Variants in CTTN observed in about 807,000 individuals in gnomAD.
The protein encoded by CTTN is src substrate cortactin.
A neutral mutation model predicts 84.0 loss-of-function variants in CTTN; 28 were observed. The observed-to-expected ratio is 0.33, with a 90% CI of 0.25 to 0.46. The LOEUF is 0.46. Among genes scored for constraint, CTTN ranks in the 20% least tolerant of loss-of-function variants. The pLI, the probability that CTTN is intolerant of heterozygous loss-of-function variation, is 1.00. For missense variants in CTTN, 641 were observed against 723.8 expected, an observed-to-expected ratio of 0.89 and a Z score of 1.31; for synonymous variants, 301 against 288.8, an observed-to-expected ratio of 1.04 and a Z score of -0.43.
intron 4 of CTTN, chr11:70,407,933 G>A: frequency 8.1e-6 from 2 of 246,304 alleles, no homozygotes; most frequent in South Asian, 8.4e-5. Context: ...CAAGCGAGAG[G>A]TTTCTAAAGT....
intron 13 of CTTN, 25 bp downstream of exon 13, chr11:70,425,426 C>T (rs370249898): frequency 1.5e-5 from 24 of 1,587,696 alleles, no homozygotes; most frequent in Non-Finnish European, 2.0e-5. Flanking sequence ...ATACCAGGAG[C>T]ACCGTGTGGT....
intron 13 of CTTN, among the ~76,000 whole-genome samples, chr11:70,427,116 G>T (rs1473660475): frequency 6.6e-6 from 1 of 151,684 alleles, no homozygotes; most frequent in Non-Finnish European, 1.5e-5. Flanking sequence ...CTGGGAGGCC[G>T]AGGTGGGTGG....
At chr11:70,434,432 G>A (rs2058392052) in intron 17 of CTTN, among the ~76,000 whole-genome samples, 1 of 152,282 alleles carries the variant, frequency 6.6e-6, no homozygotes, top group South Asian at 2.1e-4. Context: ...CCTCTTGAGT[G>A]CTTCCCGTTT....
chr11:70,431,000 G>C (rs547596010), intron 14 of CTTN, among the ~76,000 whole-genome samples, 191 bp from the exon 15 acceptor site: 1 of 151,754 alleles, frequency 6.6e-6, no homozygotes, highest in South Asian at 2.1e-4. Context: ...CAGCTCCCCT[G>C]CCCCTCGGAT....
intron 1 of CTTN, among the ~76,000 whole-genome samples, chr11:70,401,155 G>A (rs1320781122): frequency 6.6e-6 from 1 of 152,048 alleles, no homozygotes. Context: ...AGGCAACATG[G>A]GGAAACCCCA....
At chr11:70,417,379 T>C (rs2058176157) in intron 8 of CTTN, among the ~76,000 whole-genome samples, 2 of 152,154 alleles carry the variant, frequency 1.3e-5, no homozygotes, top group Non-Finnish European at 2.9e-5. Flanking sequence ...TTATTTATTT[T>C]TGGTAGAGAT....
intron 15 of CTTN, among the ~76,000 whole-genome samples, chr11:70,431,547 G>A (rs1052747359): frequency 6.6e-6 from 1 of 152,104 alleles, no homozygotes; most frequent in Non-Finnish European, 1.5e-5. Flanking sequence ...TGTCACTGCA[G>A]TCCCTGCTGT....
intron 15 of CTTN, among the ~76,000 whole-genome samples, chr11:70,431,904 C>T (rs1445674826): frequency 6.6e-6 from 1 of 152,212 alleles, no homozygotes; most frequent in East Asian, 1.9e-4. Flanking sequence ...TCTGCGCTAA[C>T]CACACCCTCT....
intron 1 of CTTN, among the ~76,000 whole-genome samples, chr11:70,402,350 C>T (rs1388477638): frequency 1.3e-5 from 2 of 152,186 alleles, no homozygotes; most frequent in Admixed American, 6.5e-5. Flanking sequence ...CCATACAATA[C>T]GCCTGTGTAG....
intron 14 of CTTN, among the ~76,000 whole-genome samples, chr11:70,429,643 G>A (rs963528125): frequency 6.6e-6 from 1 of 152,110 alleles, no homozygotes; most frequent in East Asian, 1.9e-4. Context: ...CTCGGGGCCT[G>A]CTTCTGCTTG....
At chr11:70,402,225 C>T (rs2057994499) in intron 1 of CTTN, among the ~76,000 whole-genome samples, 1 of 152,210 alleles carries the variant, frequency 6.6e-6, no homozygotes, top group Non-Finnish European at 1.5e-5. Context: ...CACGTTTGTG[C>T]AATCTTGATT....
chr11:70,417,176 G>A (rs986350223), intron 8 of CTTN, 53 bp downstream of exon 8: 26 of 1,375,512 alleles, frequency 1.9e-5, no homozygotes, highest in South Asian at 1.3e-4. Context: ...AAACACCCAC[G>A]AGGGCATTTT....
chr11:70,416,793 C>A, intron 7 of CTTN: 1 of 530,022 alleles, frequency 1.9e-6, no homozygotes, highest in South Asian at 2.4e-5. Flanking sequence ...AGGAACTGCC[C>A]TGTAACAGCT....
intron 12 of CTTN, among the ~76,000 whole-genome samples, chr11:70,425,039 C>T (rs545425058): frequency 2.2e-3 from 331 of 152,212 alleles, no homozygotes; most frequent in Non-Finnish European, 4.1e-3. Flanking sequence ...TGGGTGGCGA[C>T]GGAGGGTGGG....
At chr11:70,404,141 G>T (rs993560325) in intron 1 of CTTN, among the ~76,000 whole-genome samples, 2 of 152,220 alleles carry the variant, frequency 1.3e-5, no homozygotes, top group Admixed American at 6.5e-5. Flanking sequence ...TAGGATTGCC[G>T]AAGGGAACTG....
rs745582500 is a variant in CTTN at position 70,419,819 on chromosome 11, G to C, written c.642G>C (p.Glu214Asp). The change falls in exon 9 of 18, where the codon GAG becomes GAC. Residue 214 changes from glutamate to aspartate, a missense_variant. Around this residue, in one of 3 missense-constraint regions of CTTN, gnomAD observed 284 missense variants for 348.4 expected, o/e 0.82. Transcript: ENST00000301843. ...TGGATAAGAGCGCCGTTGGCTTTGAGTATCAAGGCAAAACGGAGAAGCACG... is the reference window on the plus strand; with the variant it reads ...TGGATAAGAGCGCCGTTGGCTTTGACTATCAAGGCAAAACGGAGAAGCACG... Reference protein sequence around the residue: ...DKVDKSAVGFEYQGKTEKHES... With the variant: ...DKVDKSAVGFDYQGKTEKHES... 6 of 1,613,370 alleles carry C rather than the reference G, an allele frequency of 3.7e-6. No individual in the cohort carries two copies. In the East Asian group the frequency reaches 1.3e-4, roughly 36 times the overall value.
At chr11:70,404,517 TC>T (rs2135549602) in intron 1 of CTTN, among the ~76,000 whole-genome samples, 1 of 152,356 alleles carries the variant, frequency 6.6e-6, no homozygotes, top group African/African-American at 2.4e-5. Flanking sequence ...TACTGGTTTT[TC>T]CTCCCGGCCA....
At chr11:70,421,268 A>AT (rs1361609546) in intron 10 of CTTN, among the ~76,000 whole-genome samples, 2 of 152,172 alleles carry the variant, frequency 1.3e-5, no homozygotes, top group African/African-American at 4.8e-5. Context: ...GAATGTTCAG[A>AT]TTTTAAGTTC....
chr11:70,413,981 G>A (rs1254321014), intron 5 of CTTN, among the ~76,000 whole-genome samples: 2 of 152,156 alleles, frequency 1.3e-5, no homozygotes, highest in Non-Finnish European at 2.9e-5. Context: ...AATCCCCACT[G>A]GTGGCCCCGA....
Sources: allele counts gnomAD v4.1 joint callset (sites outside exome capture counted in the v4.1 genomes callset), GRCh38; gene constraint gnomAD v4.1.1; regional missense constraint gnomAD v4.1.1; transcripts MANE v1.5; gene names NCBI Gene and HGNC (gene_info 2026-07-23, HGNC 2026-07-21).